OGT: variants seen among roughly 807,000 people sequenced by gnomAD.
OGT encodes O-linked N-acetylglucosamine (GlcNAc) transferase.
In OGT, 3 loss-of-function variants were observed where a neutral mutation model predicts 75.8. The observed-to-expected ratio is 0.04, with a 90% CI of 0.02 to 0.10. OGT has a LOEUF of 0.10. Ranked by LOEUF, OGT falls within the 10% of genes least tolerant of loss-of-function variation. The pLI is 1.00. For synonymous variants in OGT, 257 were observed against 289.7 expected, an observed-to-expected ratio of 0.89 and a Z score of 1.15; for missense variants, 260 against 824.4, an observed-to-expected ratio of 0.32 and a Z score of 8.38.
intron 5 of OGT, among the ~76,000 whole-genome samples, chrX:71,551,638 T>TA (rs1351888804): frequency 2.8e-5 from 3 of 108,941 alleles, no homozygotes; most frequent in Non-Finnish European, 5.8e-5. Flanking sequence ...TCTCAAAAAA[T>TA]AAAAAAAAAG....
At position 71,537,814 on chromosome X, in the gene OGT, TG is replaced by T; in HGVS notation, c.219-14del. The T allele has an allele frequency of 8.3e-7, 1 of 1,210,991 alleles. No homozygotes were observed. The highest frequency in any genetic ancestry group is 1.8e-5 in the South Asian group (1 of 56,917). ...ACGTGCATACCCATGCATTAACACT[TG>T]TCGCCTTTTCCAGATCTGCTCACTT... On this transcript the variant is annotated splice_polypyrimidine_tract_variant and intron_variant, in intron 2 of 21. Transcript: ENST00000373719.
chrX:71,568,743 G>C (rs1297746333), intron 21 of OGT, among the ~76,000 whole-genome samples: 1 of 110,411 alleles, frequency 9.1e-6, no homozygotes, highest in Non-Finnish European at 1.9e-5. Context: ...CAGGAGAATC[G>C]CTTGAACCCG....
At chrX:71,542,764 C>G (rs986320804) in intron 3 of OGT, among the ~76,000 whole-genome samples, 2 of 111,937 alleles carry the variant, frequency 1.8e-5, no homozygotes, top group Non-Finnish European at 3.8e-5. Flanking sequence ...CATGGTCTGC[C>G]AAAACAGGGG....
At chrX:71,557,374 C>G in intron 11 of OGT, 78 bp downstream of exon 11, 2 of 1,054,479 alleles carry the variant, frequency 1.9e-6, no homozygotes, top group Non-Finnish European at 2.6e-6. Context: ...AGAATCCAAG[C>G]CTGACTGGAA....
intron 21 of OGT, among the ~76,000 whole-genome samples, chrX:71,569,742 C>CA (rs2040440985): frequency 9.5e-6 from 1 of 104,714 alleles, no homozygotes; most frequent in African/African-American, 3.5e-5. Context: ...TTTTCTTTTC[C>CA]TTTTTTTTTT....
intron 19 of OGT, among the ~76,000 whole-genome samples, chrX:71,566,460 G>A (rs2040417169): frequency 8.9e-6 from 1 of 111,783 alleles, no homozygotes; most frequent in African/African-American, 3.2e-5. Flanking sequence ...GTCCTTCTTC[G>A]CGTGATGGCA....
At chrX:71,547,590 C>A in intron 4 of OGT, 2 of 878,295 alleles carry the variant, frequency 2.3e-6, no homozygotes, top group Non-Finnish European at 2.8e-6. Flanking sequence ...TAAGAGAACT[C>A]CAGCATAGAG....
At chrX:71,544,006 G>A (rs1466071720) in intron 3 of OGT, among the ~76,000 whole-genome samples, 2 of 109,137 alleles carry the variant, frequency 1.8e-5, no homozygotes, top group African/African-American at 6.7e-5. Flanking sequence ...GGTTGATCTC[G>A]AACTCCTGAC....
At chrX:71,571,425 G>C (rs932803266) in intron 21 of OGT, among the ~76,000 whole-genome samples, 5 of 111,806 alleles carry the variant, frequency 4.5e-5, no homozygotes, top group Non-Finnish European at 9.4e-5. Context: ...TTTTGAGGTA[G>C]GGTCTCCCTC....
intron 7 of OGT, among the ~76,000 whole-genome samples, 153 bp downstream of exon 7, chrX:71,555,538 A>G (rs747715938): frequency 2.7e-5 from 3 of 112,003 alleles, no homozygotes; most frequent in East Asian, 5.6e-4. Flanking sequence ...CCTAGGCAAC[A>G]TGACGAAACC....
chrX:71,544,502 G>A, intron 3 of OGT, 65 bp from the exon 4 acceptor site: 1 of 1,027,318 alleles, frequency 9.7e-7, no homozygotes, highest in Non-Finnish European at 1.3e-6. Context: ...GCTTAAAAGT[G>A]ATTTCAAGAT....
intron 3 of OGT, among the ~76,000 whole-genome samples, chrX:71,540,142 T>C (rs1406043516): frequency 8.9e-6 from 1 of 112,551 alleles, no homozygotes; most frequent in Non-Finnish European, 1.9e-5. Flanking sequence ...GCTTTACTTA[T>C]TTATTACTGT....
chrX:71,541,796 G>C (rs933002079), intron 3 of OGT, among the ~76,000 whole-genome samples: 1 of 110,059 alleles, frequency 9.1e-6, no homozygotes, highest in Admixed American at 9.8e-5. Flanking sequence ...ATGTATGTAC[G>C]TGTCTAGATG....
chrX:71,535,959 G>C (rs1056282586), intron 1 of OGT, among the ~76,000 whole-genome samples: 2 of 111,710 alleles, frequency 1.8e-5, no homozygotes, highest in African/African-American at 6.5e-5. Flanking sequence ...TTCTAGTTTG[G>C]GAAAGAAAGT....
chrX:71,534,528 G>A (rs2147665678), intron 1 of OGT, among the ~76,000 whole-genome samples: 1 of 111,046 alleles, frequency 9.0e-6, no homozygotes, highest in South Asian at 3.8e-4. Flanking sequence ...TGAGATGTGT[G>A]GAGGGTTTTA....
chrX:71,554,031 ATGG>A (rs1012249405), intron 5 of OGT, among the ~76,000 whole-genome samples: 3 of 111,932 alleles, frequency 2.7e-5, no homozygotes, highest in African/African-American at 9.7e-5. Flanking sequence ...ACACCGTGTA[ATGG>A]TTAGTATTTC....
rs945879013 is a variant in OGT, at chrX:71,575,432, C to T, written c.*1638C>T. 3 of 112,773 alleles carry T rather than the reference C, an allele frequency of 2.7e-5. No individual in the cohort carries two copies. Among genetic ancestry groups the T allele is most frequent in the Non-Finnish European group, 5.6e-5 (3 of 53,324 alleles). The allele number at this position is 112,773 out of a possible 1,213,427, so 9.3% of individuals were successfully genotyped here. On this transcript the variant is annotated 3_prime_UTR_variant, in exon 22 of 22. Coordinates refer to ENST00000373719, the MANE Select transcript of OGT (RefSeq NM_181672.3). Reference sequence around the variant, plus strand: ...TGTTAATGAACAGTGTACCTTTTAACAGTGTAAATCACGGAATATCCGTGA... The same window carrying T: ...TGTTAATGAACAGTGTACCTTTTAATAGTGTAAATCACGGAATATCCGTGA...
chrX:71,545,524 A>T (rs2040253345), intron 4 of OGT: 1 of 112,569 alleles, frequency 8.9e-6, no homozygotes, highest in African/African-American at 3.2e-5. Flanking sequence ...AGGGGTGAGG[A>T]GTGGGGAGAA....
chrX:71,543,533 T>C (rs1254649464), intron 3 of OGT, among the ~76,000 whole-genome samples: 1 of 110,452 alleles, frequency 9.1e-6, no homozygotes, highest in East Asian at 2.8e-4. Context: ...GTGCCAGGAT[T>C]GAGGCTTTGG....
Sources: allele counts gnomAD v4.1 joint callset (sites outside exome capture counted in the v4.1 genomes callset), GRCh38; gene constraint gnomAD v4.1.1; transcripts MANE v1.5; gene names NCBI Gene and HGNC (gene_info 2026-07-23, HGNC 2026-07-21).